SLC35F4: variants seen among roughly 807,000 people sequenced by gnomAD.
The protein encoded by SLC35F4 is solute carrier family 35 member F4.
In SLC35F4, 24 loss-of-function variants were observed where a neutral mutation model predicts 44.2. The observed-to-expected ratio is 0.54, with a 90% CI of 0.39 to 0.76. The LOEUF (loss-of-function observed/expected upper bound fraction) is 0.76, where lower values mean the gene tolerates loss of function less well. Ranked by LOEUF, SLC35F4 falls within the 30% of genes least tolerant of loss-of-function variation. SLC35F4 has a pLI of 0.00. For missense variants in SLC35F4, 562 were observed against 586.1 expected, an observed-to-expected ratio of 0.96 and a Z score of 0.42; for synonymous variants, 238 against 223.6, an observed-to-expected ratio of 1.06 and a Z score of -0.57.
chr14:57,925,246 C>T (rs943088224), intron 1 of SLC35F4, among the ~76,000 whole-genome samples: 4 of 152,154 alleles, frequency 2.6e-5, no homozygotes, highest in Middle Eastern at 6.8e-3. Flanking sequence ...CACAAATATC[C>T]GAACTATAGC....
At chr14:57,880,180 A>G (rs889709063) in intron 1 of SLC35F4, among the ~76,000 whole-genome samples, 1 of 152,214 alleles carries the variant, frequency 6.6e-6, no homozygotes, top group African/African-American at 2.4e-5. Context: ...AAATGGGGAT[A>G]AAAACACAAC....
At chr14:57,654,792 G>A (rs983198835) in intron 1 of SLC35F4, among the ~76,000 whole-genome samples, 1 of 152,274 alleles carries the variant, frequency 6.6e-6, no homozygotes, top group East Asian at 1.9e-4. Context: ...TAGTTTCCAA[G>A]TATGGTTGCA....
At chr14:57,885,987 C>T (rs75300474) in intron 1 of SLC35F4, among the ~76,000 whole-genome samples, 10,684 of 152,180 alleles carry the variant, frequency 0.07, 448 homozygotes, top group Middle Eastern at 0.14. Context: ...CATATACGCA[C>T]ATAGTAAACA....
At chr14:57,631,055 CT>C (rs2072746476) in intron 1 of SLC35F4, 1 of 167,604 alleles carries the variant, frequency 6.0e-6, no homozygotes, top group African/African-American at 2.4e-5. Context: ...AGAAATGTAG[CT>C]TGTTAATAAG....
intron 1 of SLC35F4, among the ~76,000 whole-genome samples, chr14:57,924,821 G>T (rs1889521271): frequency 6.6e-6 from 1 of 151,222 alleles, no homozygotes; most frequent in Non-Finnish European, 1.5e-5. Context: ...TTTGAGATAG[G>T]GTCTCACTGG....
chr14:57,665,745 T>C (rs1378414512), intron 1 of SLC35F4, among the ~76,000 whole-genome samples: 1 of 152,202 alleles, frequency 6.6e-6, no homozygotes, highest in East Asian at 1.9e-4. Context: ...CCACCAATGA[T>C]AGACTGGCTA....
chr14:57,569,770 A>G lies in SLC35F4; in HGVS notation c.1126+18T>C, dbSNP rs1161636171. 2.6e-6 allele frequency: 4 copies of G among 1,567,674 alleles called. No individual in the cohort carries two copies. On this transcript the variant is annotated intron_variant, in intron 6 of 7. Transcript: ENST00000556826. ...AGATTGATATAGGGAATGGAAGGCA[A>G]AACCCGAGGCCACTTACCCAGCCAC...
intron 1 of SLC35F4, among the ~76,000 whole-genome samples, chr14:57,981,350 C>A (rs900320673): frequency 6.6e-6 from 1 of 152,028 alleles, no homozygotes; most frequent in South Asian, 2.1e-4. Context: ...GTCTCTGCAG[C>A]GTGGGAAATG....
At chr14:57,676,290 T>C (rs1266736511) in intron 1 of SLC35F4, among the ~76,000 whole-genome samples, 1 of 152,074 alleles carries the variant, frequency 6.6e-6, no homozygotes, top group Non-Finnish European at 1.5e-5. Context: ...GCAACATGGA[T>C]AGATCTGGAA....
chr14:57,799,673 C>T (rs983849816), intron 1 of SLC35F4, among the ~76,000 whole-genome samples: 1 of 152,238 alleles, frequency 6.6e-6, no homozygotes, highest in Non-Finnish European at 1.5e-5. Flanking sequence ...AGCCCACCAG[C>T]TTTGGAGAAT....
At chr14:57,600,412 G>A (rs2070740790) in intron 1 of SLC35F4, among the ~76,000 whole-genome samples, 1 of 151,988 alleles carries the variant, frequency 6.6e-6, no homozygotes, top group African/African-American at 2.4e-5. Flanking sequence ...ATAACTAGGG[G>A]CCGGGCGCGG....
intron 1 of SLC35F4, among the ~76,000 whole-genome samples, chr14:57,621,956 C>T: frequency 6.6e-6 from 1 of 150,448 alleles, no homozygotes; most frequent in African/African-American, 2.5e-5. Context: ...ACAATGAACT[C>T]AAACAAATTT....
chr14:57,611,585 TAA>T (rs10647941), intron 1 of SLC35F4, among the ~76,000 whole-genome samples: 1 of 127,046 alleles, frequency 7.9e-6, no homozygotes, highest in East Asian at 2.3e-4. Flanking sequence ...AGAGAAGAGT[TAA>T]AAAAAAAAAA....
At chr14:57,750,921 AT>A (rs1457568120) in intron 1 of SLC35F4, among the ~76,000 whole-genome samples, 1 of 152,064 alleles carries the variant, frequency 6.6e-6, no homozygotes, top group Non-Finnish European at 1.5e-5. Flanking sequence ...CTTTGGCCTA[AT>A]TTTATTGTTA....
intron 1 of SLC35F4, among the ~76,000 whole-genome samples, chr14:57,659,343 A>G (rs1374645709): frequency 6.6e-6 from 1 of 152,202 alleles, no homozygotes; most frequent in African/African-American, 2.4e-5. Flanking sequence ...GAACACATGC[A>G]GATAGCTTAG....
chr14:57,757,443 ATTT>A (rs1267569967), intron 1 of SLC35F4, among the ~76,000 whole-genome samples: 2 of 151,328 alleles, frequency 1.3e-5, no homozygotes, highest in Non-Finnish European at 3.0e-5. Flanking sequence ...TCTGTTTTTC[ATTT>A]TTTACTGTCA....
chr14:57,628,477 G>C (rs2072588233), intron 1 of SLC35F4, among the ~76,000 whole-genome samples: 1 of 141,242 alleles, frequency 7.1e-6, no homozygotes. Context: ...GTCCCAGTGT[G>C]AGATGTTCCC....
intron 7 of SLC35F4, among the ~76,000 whole-genome samples, chr14:57,564,854 C>T (rs2068126033): frequency 1.3e-5 from 2 of 152,134 alleles, no homozygotes; most frequent in South Asian, 4.2e-4. Flanking sequence ...CCAGATATCT[C>T]CATCACTTCA....
intron 1 of SLC35F4, among the ~76,000 whole-genome samples, chr14:57,741,012 T>C (rs1298328783): frequency 6.6e-6 from 1 of 152,174 alleles, no homozygotes; most frequent in Non-Finnish European, 1.5e-5. Context: ...GATCTGCAGC[T>C]GAGGGTCCTG....
Sources: allele counts gnomAD v4.1 joint callset (sites outside exome capture counted in the v4.1 genomes callset), GRCh38; gene constraint gnomAD v4.1.1; transcripts MANE v1.5; gene names NCBI Gene and HGNC (gene_info 2026-07-23, HGNC 2026-07-21).